The following CEMIP variants were observed in gnomAD, a reference collection of about 807,000 sequenced individuals.
CEMIP encodes cell migration-inducing and hyaluronan-binding protein.
A neutral mutation model predicts 156.9 loss-of-function variants in CEMIP; 105 were observed. The observed-to-expected ratio is 0.67, with a 90% confidence interval of 0.57 to 0.79. The LOEUF (loss-of-function observed/expected upper bound fraction) is 0.79, where lower values mean the gene tolerates loss of function less well. Among genes scored for constraint, CEMIP ranks in the 30% least tolerant of loss-of-function variants. CEMIP has a pLI of 0.00. For missense variants in CEMIP, 1,457 were observed against 1,769.4 expected, an observed-to-expected ratio of 0.82 and a Z score of 3.17; for synonymous variants, 676 against 668.4, an observed-to-expected ratio of 1.01 and a Z score of -0.17.
intron 1 of CEMIP, among the ~76,000 whole-genome samples, chr15:80,789,457 C>A (rs140491617): frequency 6.6e-6 from 1 of 152,160 alleles, no homozygotes; most frequent in Non-Finnish European, 1.5e-5. Context: ...GCTTAAGAAG[C>A]CACAGAGTTC....
intron 1 of CEMIP, among the ~76,000 whole-genome samples, chr15:80,803,968 C>G (rs146096235): frequency 2.0e-5 from 3 of 152,334 alleles, no homozygotes; most frequent in Non-Finnish European, 4.4e-5. Flanking sequence ...AGTTCCACAG[C>G]TGGGGAGGCC....
At position 80,943,108 on chromosome 15, in the gene CEMIP, T is replaced by C; in HGVS notation, c.3857+6T>C. On this transcript the variant is annotated splice_donor_region_variant and intron_variant, in intron 28 of 29. Coordinates refer to ENST00000394685, the MANE Select transcript of CEMIP (RefSeq NM_001293298.2). Reference sequence around the variant, plus strand: ...GTGGCGACCATCCCTGACAAGTGAGTCTGTACCTCTGCTTCTGGAATTGGC... The same window carrying C: ...GTGGCGACCATCCCTGACAAGTGAGCCTGTACCTCTGCTTCTGGAATTGGC... 3 of 1,614,068 alleles carry C rather than the reference T, an allele frequency of 1.9e-6. No individual in the cohort carries two copies. The highest frequency in any genetic ancestry group is 2.5e-6 in the Non-Finnish European group (3 of 1,179,986).
At chr15:80,858,853 T>C (rs1361112952) in intron 1 of CEMIP, among the ~76,000 whole-genome samples, 1 of 152,246 alleles carries the variant, frequency 6.6e-6, no homozygotes, top group Non-Finnish European at 1.5e-5. Context: ...AAAGGAACTT[T>C]GTTGGCTCAT....
intron 1 of CEMIP, among the ~76,000 whole-genome samples, chr15:80,847,055 G>A (rs545011902): frequency 6.6e-6 from 1 of 152,272 alleles, no homozygotes; most frequent in African/African-American, 2.4e-5. Flanking sequence ...TGGAGGTGGG[G>A]TGGGCAGGAC....
intron 1 of CEMIP, among the ~76,000 whole-genome samples, chr15:80,841,094 G>A (rs529782647): frequency 9.2e-5 from 14 of 152,290 alleles, no homozygotes; most frequent in South Asian, 8.3e-4. Context: ...CCAGCTGAAC[G>A]GGGCACCTGT....
At position 80,903,246 on chromosome 15, in the gene CEMIP, C is replaced by T. The variant is rs192085690; in HGVS notation, c.1412-3417C>T. 8.4e-3 allele frequency: 1,275 copies of T among 152,412 alleles called. 14 individuals carry two copies. The highest frequency in any genetic ancestry group is 0.015 in the Non-Finnish European group (1,001 of 68,148). 9.4% of individuals were successfully genotyped at this position (152,412 alleles called of 1,614,324 possible). On this transcript the variant is annotated intron_variant, in intron 12 of 29. Coordinates refer to ENST00000394685, the MANE Select transcript of CEMIP (RefSeq NM_001293298.2). Reference sequence around the variant, plus strand: ...GAAGCACCCAGAGCACCAGGATGCACGTGCTGTAAGGGATGGTTGGAAGAC... The same window carrying T: ...GAAGCACCCAGAGCACCAGGATGCATGTGCTGTAAGGGATGGTTGGAAGAC...
intron 1 of CEMIP, among the ~76,000 whole-genome samples, chr15:80,838,356 C>T (rs896368420): frequency 1.3e-5 from 2 of 151,914 alleles, no homozygotes; most frequent in African/African-American, 4.8e-5. Context: ...AGAACTGTGG[C>T]GAGGCAGCCG....
intron 10 of CEMIP, among the ~76,000 whole-genome samples, chr15:80,890,586 C>CAA (rs66794844): frequency 2.1e-5 from 3 of 140,142 alleles, no homozygotes; most frequent in African/African-American, 7.9e-5. Flanking sequence ...GACTCTGACT[C>CAA]AAAAAAAAAA....
At chr15:80,935,963 CCCAACCTCAGGTGAT>C (rs1411766375) in intron 23 of CEMIP, among the ~76,000 whole-genome samples, 2 of 152,212 alleles carry the variant, frequency 1.3e-5, no homozygotes, top group Non-Finnish European at 2.9e-5. Flanking sequence ...GTCTCGAACT[CCCAACCTCAGGTGAT>C]CCACCCGCCT....
At position 80,866,317 on chromosome 15, in the gene CEMIP, C is replaced by T. The variant is rs556628109; in HGVS notation, c.-175-7221C>T. 1.7e-3 allele frequency among the ~76,000 whole-genome samples: 265 copies of T among 152,252 alleles called. 2 individuals are homozygous for T. The highest frequency in any genetic ancestry group is 2.3e-3 in the Non-Finnish European group (154 of 68,024). On this transcript the variant is annotated intron_variant, in intron 1 of 29. Transcript: ENST00000394685. Reference sequence around the variant, plus strand: ...ATAATTTAAGACTCTTGGCTGGGCACGTTGGCTCAAGCCTGTAATCCCAGC... The same window carrying T: ...ATAATTTAAGACTCTTGGCTGGGCATGTTGGCTCAAGCCTGTAATCCCAGC...
intron 1 of CEMIP, among the ~76,000 whole-genome samples, chr15:80,800,222 T>C (rs180963608): frequency 6.6e-6 from 1 of 152,152 alleles, no homozygotes; most frequent in Non-Finnish European, 1.5e-5. Flanking sequence ...TGAAATCACC[T>C]CACCATCCTC....
chr15:80,866,460 T>C (rs1263349200), intron 1 of CEMIP, among the ~76,000 whole-genome samples: 1 of 151,726 alleles, frequency 6.6e-6, no homozygotes, highest in Non-Finnish European at 1.5e-5. Flanking sequence ...GGCGTGGTGG[T>C]GGGCGCCTGT....
At chr15:80,876,900 A>G (rs1313884137) in intron 3 of CEMIP, among the ~76,000 whole-genome samples, 1 of 152,198 alleles carries the variant, frequency 6.6e-6, no homozygotes, top group African/African-American at 2.4e-5. Flanking sequence ...GTCTGTTTTC[A>G]TGCTGCTGAT....
Position 80,920,316 on chromosome 15 carries a change from C to T in CEMIP, c.2003+17C>T, listed in dbSNP as rs1900425214. 6.2e-7 allele frequency: 1 copy of T among 1,608,676 alleles called. No homozygotes were observed. The highest frequency in any genetic ancestry group is 1.3e-5 in the African/African-American group (1 of 74,820). ...AGACTGCAAGTAAGTGCCTGGACCC[C>T]TCTCTGTGTGCTGGGGGGAAGGGGT... On this transcript the variant is annotated intron_variant, in intron 15 of 29. Coordinates refer to ENST00000394685, the MANE Select transcript of CEMIP (RefSeq NM_001293298.2).
chr15:80,935,346 G>C (rs1001150108), intron 23 of CEMIP, among the ~76,000 whole-genome samples: 6 of 152,150 alleles, frequency 3.9e-5, no homozygotes, highest in African/African-American at 1.2e-4. Flanking sequence ...ATCCCATATG[G>C]AGCCTTGATT....
rs1167191124 is a variant in CEMIP, at chr15:80,948,812, T to C, written c.3974T>C (p.Val1325Ala). The C allele has an allele frequency of 1.2e-6, 2 of 1,614,070 alleles. No homozygotes were observed. Among genetic ancestry groups the C allele is most frequent in the African/African-American group, 1.3e-5 (1 of 74,938 alleles). ...GLKLKEQMAF[V>A]GFKGSFRPIW... ...TGCTTTTCAGAGCAAATGGCATTCG[T>C]TGGCTTCAAAGGCAGCTTCCGGCCC... is the stretch of plus-strand genomic sequence containing the variant. The change falls in exon 30 of 30, where the codon GTT (valine) becomes GCT (alanine). Residue 1325 changes from valine to alanine, a missense_variant. By Grantham distance (64) the Val-to-Ala change is moderately conservative. This residue lies in a region of CEMIP where 798 missense variants were observed against 980.1 expected (regional missense o/e 0.81). Transcript: ENST00000394685.
chr15:80,893,048 G>A (rs1322627626), intron 10 of CEMIP, among the ~76,000 whole-genome samples: 1 of 152,060 alleles, frequency 6.6e-6, no homozygotes, highest in African/African-American at 2.4e-5. Flanking sequence ...TTAGCTGGGT[G>A]TGGTGGCGGG....
At chr15:80,859,371 T>A (rs533970046) in intron 1 of CEMIP, among the ~76,000 whole-genome samples, 4 of 152,348 alleles carry the variant, frequency 2.6e-5, no homozygotes, top group African/African-American at 9.6e-5. Flanking sequence ...TGGTTCCAGT[T>A]CATCACCTTT....
chr15:80,840,045 GC>G (rs1178296021), intron 1 of CEMIP, among the ~76,000 whole-genome samples: 3 of 152,144 alleles, frequency 2.0e-5, no homozygotes, highest in East Asian at 1.9e-4. Flanking sequence ...CCTCTAAGGG[GC>G]CCCCCAGGCC....
Sources: allele counts gnomAD v4.1 joint callset (sites outside exome capture counted in the v4.1 genomes callset), GRCh38; gene constraint gnomAD v4.1.1; regional missense constraint gnomAD v4.1.1; transcripts MANE v1.5; gene names NCBI Gene and HGNC (gene_info 2026-07-23, HGNC 2026-07-21).